IFTAP: variants seen among roughly 807,000 people sequenced by gnomAD.
The protein encoded by IFTAP is intraflagellar transport-associated protein.
In IFTAP, 19 loss-of-function variants were observed where a neutral mutation model predicts 19.4. The ratio of observed to expected loss-of-function variants is 0.98; its 90% CI spans 0.68 to 1.44. The LOEUF (loss-of-function observed/expected upper bound fraction) is 1.44, where lower values mean the gene tolerates loss of function less well. Ranked by LOEUF, IFTAP falls within the 40% of genes most tolerant of loss-of-function variation. The pLI is 0.00. For missense variants in IFTAP, 240 were observed against 253.6 expected, an observed-to-expected ratio of 0.95 and a Z score of 0.36; for synonymous variants, 85 against 83.5, an observed-to-expected ratio of 1.02 and a Z score of -0.10.
chr11:36,631,184 C>T (rs1319760383), intron 2 of IFTAP, among the ~76,000 whole-genome samples: 2 of 151,462 alleles, frequency 1.3e-5, no homozygotes, highest in African/African-American at 2.5e-5. Flanking sequence ...TTGGGTGCTT[C>T]GCACCAGAAT....
At position 36,659,218 on chromosome 11, in the gene IFTAP, T is replaced by A. The variant is rs1854123535; in HGVS notation, c.*32T>A. The A allele has an allele frequency of 6.7e-7, 1 of 1,500,586 alleles. No individual in the cohort carries two copies. The highest frequency in any genetic ancestry group is 8.9e-7 in the Non-Finnish European group (1 of 1,125,574). 93.0% of individuals were successfully genotyped at this position (1,500,586 alleles called of 1,614,324 possible). On this transcript the variant is annotated 3_prime_UTR_variant, in exon 6 of 6. Coordinates refer to ENST00000334307, the MANE Select transcript of IFTAP (RefSeq NM_138787.4). ...GAGGCATTTTGTGTGTGTGTGCTTATTTTAATTTTGTTCTTATTCTAGCAA... is the reference window on the plus strand; with the variant it reads ...GAGGCATTTTGTGTGTGTGTGCTTAATTTAATTTTGTTCTTATTCTAGCAA...
intron 4 of IFTAP, among the ~76,000 whole-genome samples, chr11:36,644,906 G>A (rs571886291): frequency 0.012 from 1,790 of 151,008 alleles, 20 homozygotes; most frequent in East Asian, 0.03. Flanking sequence ...GTAAATGATA[G>A]GTTAATGGGT....
chr11:36,642,619 G>A (rs1295327249), intron 4 of IFTAP, among the ~76,000 whole-genome samples: 1 of 152,110 alleles, frequency 6.6e-6, no homozygotes, highest in Non-Finnish European at 1.5e-5. Context: ...TAAAATACTA[G>A]CAAACCAAAT....
At chr11:36,607,845 G>A (rs1038462502) in intron 1 of IFTAP, among the ~76,000 whole-genome samples, 1 of 152,058 alleles carries the variant, frequency 6.6e-6, no homozygotes, top group South Asian at 2.1e-4. Flanking sequence ...GGCTAATTTT[G>A]TATTTTTAGT....
intron 4 of IFTAP, among the ~76,000 whole-genome samples, chr11:36,641,535 A>T (rs1853198515): frequency 6.6e-6 from 1 of 152,250 alleles, no homozygotes; most frequent in Non-Finnish European, 1.5e-5. Context: ...TTATGTAGCC[A>T]GTACTCATTC....
chr11:36,595,692 C>T (rs1851194141), intron 1 of IFTAP, among the ~76,000 whole-genome samples: 1 of 152,186 alleles, frequency 6.6e-6, no homozygotes, highest in South Asian at 2.1e-4. Flanking sequence ...ATATTGATGT[C>T]AGTTATGATT....
At chr11:36,630,166 G>A (rs968267593) in intron 2 of IFTAP, among the ~76,000 whole-genome samples, 5 of 151,306 alleles carry the variant, frequency 3.3e-5, no homozygotes, top group South Asian at 2.1e-4. Flanking sequence ...TCAGATTCTG[G>A]GCTGTGCCAG....
chr11:36,607,504 G>A (rs1851735622), intron 1 of IFTAP, among the ~76,000 whole-genome samples: 1 of 152,060 alleles, frequency 6.6e-6, no homozygotes, highest in Non-Finnish European at 1.5e-5. Flanking sequence ...TATATGAATA[G>A]TAACGCTGAG....
chr11:36,603,379 A>C (rs1851577252), intron 1 of IFTAP, among the ~76,000 whole-genome samples: 1 of 152,134 alleles, frequency 6.6e-6, no homozygotes, highest in Non-Finnish European at 1.5e-5. Context: ...ACTTTTAGTG[A>C]TAATTTTCTT....
At chr11:36,654,871 T>C (rs1853910438) in intron 5 of IFTAP, among the ~76,000 whole-genome samples, 1 of 152,146 alleles carries the variant, frequency 6.6e-6, no homozygotes, top group Non-Finnish European at 1.5e-5. Flanking sequence ...CTTTAGCAGG[T>C]TCCTGAGTAC....
At chr11:36,639,218 C>CAG (rs1565024971) in intron 4 of IFTAP, among the ~76,000 whole-genome samples, 4 of 150,520 alleles carry the variant, frequency 2.7e-5, no homozygotes, top group African/African-American at 9.8e-5. Context: ...CCCAGCCCAA[C>CAG]CTCTTTTCTG....
intron 5 of IFTAP, among the ~76,000 whole-genome samples, chr11:36,654,257 C>G (rs148431048): frequency 2.0e-5 from 3 of 152,258 alleles, no homozygotes; most frequent in Admixed American, 1.3e-4. Context: ...GTGTTTGACA[C>G]CATTGACCTT....
chr11:36,654,874 C>G (rs1301450573), intron 5 of IFTAP, among the ~76,000 whole-genome samples: 2 of 152,142 alleles, frequency 1.3e-5, no homozygotes, highest in Non-Finnish European at 2.9e-5. Context: ...TAGCAGGTTC[C>G]TGAGTACTCT....
chr11:36,645,485 T>C (rs16929256), intron 4 of IFTAP, among the ~76,000 whole-genome samples: 1,821 of 152,260 alleles, frequency 0.012, 21 homozygotes, highest in East Asian at 0.031. Flanking sequence ...TATGATCAGA[T>C]TAAGTCTCTT....
intron 2 of IFTAP, among the ~76,000 whole-genome samples, chr11:36,614,834 A>G (rs1852011725): frequency 6.7e-6 from 1 of 148,866 alleles, no homozygotes; most frequent in African/African-American, 2.5e-5. Flanking sequence ...TTGTCAGATG[A>G]GTAGATTGCA....
At chr11:36,600,568 C>T (rs146049121) in intron 1 of IFTAP, among the ~76,000 whole-genome samples, 2 of 151,216 alleles carry the variant, frequency 1.3e-5, no homozygotes, top group African/African-American at 4.9e-5. Context: ...GAAAAATTGT[C>T]CTCCACGAAA....
intron 2 of IFTAP, among the ~76,000 whole-genome samples, chr11:36,618,268 T>G (rs1484819733): frequency 6.6e-6 from 1 of 151,942 alleles, no homozygotes; most frequent in African/African-American, 2.4e-5. Context: ...ACTGGTGTCC[T>G]TATAAGAAGA....
At chr11:36,621,648 A>G (rs1475539786) in intron 2 of IFTAP, among the ~76,000 whole-genome samples, 1 of 151,998 alleles carries the variant, frequency 6.6e-6, no homozygotes. Flanking sequence ...GTGTCAATCC[A>G]GGTCTTCTTG....
rs202135910 is a variant in IFTAP, at chr11:36,636,111, A to G, written c.352A>G (p.Ser118Gly). The change falls in exon 4 of 6, where the codon AGT becomes GGT. Residue 118 changes from serine (S) to glycine (G), a missense_variant. By Grantham distance (56) the Ser-to-Gly change is moderately conservative. Transcript: ENST00000334307. ...DMDEEIKPQM[S>G]EDLLLLPGEV... is the part of the protein sequence containing the mutation. ...GGATGAAGAGATTAAACCCCAAATGAGTGAGGGTATGCTTTCTATTTCCTT... is the reference window on the plus strand; with the variant it reads ...GGATGAAGAGATTAAACCCCAAATGGGTGAGGGTATGCTTTCTATTTCCTT... The G allele has an allele frequency of 8.7e-6, 14 of 1,606,820 alleles. No homozygotes were observed. The Admixed American group carries it at 2.3e-4, about 27-fold the overall frequency.
Sources: allele counts gnomAD v4.1 joint callset (sites outside exome capture counted in the v4.1 genomes callset), GRCh38; gene constraint gnomAD v4.1.1; transcripts MANE v1.5; gene names NCBI Gene and HGNC (gene_info 2026-07-23, HGNC 2026-07-21).